The following TFG variants were observed in gnomAD, a reference collection of about 807,000 sequenced individuals.
The protein encoded by TFG is protein TFG.
A neutral mutation model predicts 51.4 loss-of-function variants in TFG; 22 were observed. That is an observed-to-expected ratio of 0.43 (90% CI 0.31 to 0.61). TFG has a LOEUF of 0.61. TFG is among the 20% of genes least tolerant of loss of function. The pLI, the probability that TFG is intolerant of heterozygous loss-of-function variation, is 0.12. For synonymous variants in TFG, 187 were observed against 165.6 expected, an observed-to-expected ratio of 1.13 and a Z score of -0.99; for missense variants, 419 against 487.7, an observed-to-expected ratio of 0.86 and a Z score of 1.33.
At chr3:100,748,000 A>G (rs919786797) in intron 7 of TFG, 149 bp from the exon 8 acceptor site, 1 of 734,854 alleles carries the variant, frequency 1.4e-6, no homozygotes, top group Non-Finnish European at 2.2e-6. Context: ...GTCTTGAAAT[A>G]TTATGTGATG....
chr3:100,726,066 A>C (rs1362477448), intron 3 of TFG, among the ~76,000 whole-genome samples: 1 of 152,142 alleles, frequency 6.6e-6, no homozygotes, highest in African/African-American at 2.4e-5. Flanking sequence ...ATAGTGGCTC[A>C]GTGGCTCAGT....
chr3:100,747,612 G>A (rs55662971), intron 7 of TFG, among the ~76,000 whole-genome samples: 141 of 152,134 alleles, frequency 9.3e-4, no homozygotes, highest in African/African-American at 3.2e-3. Flanking sequence ...AAAATTTTGA[G>A]TTGTAAAGGC....
intron 6 of TFG, chr3:100,743,081 A>C (rs1256296358): frequency 6.6e-6 from 1 of 152,214 alleles, no homozygotes; most frequent in Non-Finnish European, 1.5e-5. Context: ...AATATATGCA[A>C]AATGACTTTA....
At chr3:100,722,376 A>G (rs78613988) in intron 3 of TFG, among the ~76,000 whole-genome samples, 2,111 of 152,332 alleles carry the variant, frequency 0.014, 44 homozygotes, top group African/African-American at 0.049. Context: ...ACAAAAACAC[A>G]GGCAAAAGAG....
chr3:100,734,052 A>C (rs2095099033), intron 5 of TFG, among the ~76,000 whole-genome samples: 1 of 151,158 alleles, frequency 6.6e-6, no homozygotes, highest in South Asian at 2.1e-4. Context: ...CAGTCACAGA[A>C]GTTTTTTTTT....
intron 6 of TFG, chr3:100,743,597 C>CT (rs899927508): frequency 1.1e-4 from 17 of 150,628 alleles, no homozygotes; most frequent in Non-Finnish European, 2.2e-4. Context: ...TATTTGTATT[C>CT]TTTTTTTATT....
chr3:100,714,707 CTAAG>C (rs753850050), intron 2 of TFG, among the ~76,000 whole-genome samples: 3 of 152,122 alleles, frequency 2.0e-5, no homozygotes, highest in Non-Finnish European at 4.4e-5. Context: ...TTATGGTCAA[CTAAG>C]TAAGGGAAAG....
At chr3:100,720,754 A>G (rs1484013162) in intron 3 of TFG, among the ~76,000 whole-genome samples, 1 of 152,212 alleles carries the variant, frequency 6.6e-6, no homozygotes, top group African/African-American at 2.4e-5. Context: ...TTCTGATAAA[A>G]ACCAATAGAA....
chr3:100,739,280 G>A (rs566840197), intron 6 of TFG, among the ~76,000 whole-genome samples: 9 of 152,120 alleles, frequency 5.9e-5, no homozygotes, highest in Non-Finnish European at 1.2e-4. Flanking sequence ...AGAATTCTGA[G>A]TTGTTACTTA....
chr3:100,711,445 C>G (rs1205057898), intron 1 of TFG, among the ~76,000 whole-genome samples: 1 of 152,194 alleles, frequency 6.6e-6, no homozygotes, highest in Non-Finnish European at 1.5e-5. Flanking sequence ...ACCCGTACCC[C>G]AGTCAGAAGG....
chr3:100,710,767 G>A (rs2095028650), intron 1 of TFG, among the ~76,000 whole-genome samples: 1 of 152,186 alleles, frequency 6.6e-6, no homozygotes, highest in African/African-American at 2.4e-5. Flanking sequence ...AGAGGGGGCG[G>A]GGCAAGGACA....
chr3:100,748,231 T>A lies in TFG; in HGVS notation c.903T>A (p.Ala301=), dbSNP rs1424399599. The change falls in exon 8 of 8, where the codon GCT becomes GCA. Residue 301 remains alanine, a synonymous_variant. Transcript: ENST00000240851. ...AGCAACCAACTTCCCAGGCACCAGCTCCTGCCTTTTCTGGTCAGCCTCAAC... is the reference window on the plus strand; with the variant it reads ...AGCAACCAACTTCCCAGGCACCAGCACCTGCCTTTTCTGGTCAGCCTCAAC... The part of the protein sequence containing the change: ...YGQQPTSQAP[A]PAFSGQPQQL... 6.2e-7 allele frequency: 1 copy of A among 1,613,970 alleles called. No homozygotes were observed. Among genetic ancestry groups the A allele is most frequent in the African/African-American group, 1.3e-5 (1 of 74,892 alleles).
intron 6 of TFG, 31 bp from the exon 7 acceptor site, chr3:100,744,802 T>C: frequency 1.3e-6 from 2 of 1,495,210 alleles, no homozygotes; most frequent in South Asian, 1.1e-5. Context: ...ACATGCCTTT[T>C]TTCCTTGTGT....
intron 2 of TFG, 136 bp downstream of exon 2, chr3:100,714,005 A>G (rs1018147785): frequency 2.3e-5 from 11 of 475,362 alleles, no homozygotes; most frequent in African/African-American, 1.6e-4. Flanking sequence ...GGCTCAAGCA[A>G]TCCTGCCTCG....
At chr3:100,734,094 T>A (rs2095099560) in intron 5 of TFG, among the ~76,000 whole-genome samples, 1 of 151,692 alleles carries the variant, frequency 6.6e-6, no homozygotes, top group African/African-American at 2.4e-5. Flanking sequence ...TGTGATGGCC[T>A]TTGTGTAGGC....
At chr3:100,710,294 CA>C (rs2095026837) in intron 1 of TFG, 1 of 152,238 alleles carries the variant, frequency 6.6e-6, no homozygotes, top group South Asian at 2.1e-4. Flanking sequence ...CTGGACACTA[CA>C]GTAAGTATTT....
intron 6 of TFG, chr3:100,744,157 CCAAATAGGA>C (rs1305002608): frequency 1.3e-5 from 2 of 151,996 alleles, no homozygotes; most frequent in African/African-American, 4.8e-5. Context: ...GTTGTTGACC[CCAAATAGGA>C]CAAATAGGAC....
intron 4 of TFG, among the ~76,000 whole-genome samples, chr3:100,729,339 T>G (rs1144104): frequency 0.92 from 139,411 of 152,198 alleles, 64,789 homozygotes; most frequent in Non-Finnish European, 1. Context: ...ATGTTGTAAA[T>G]TTGAAACACA....
At position 100,748,893 on chromosome 3, in the gene TFG, C is replaced by A. The variant is rs530209377; in HGVS notation, c.*362C>A. ...ATTAACATGATGTACTAAAGTAGAG[C>A]CCTTTGAGAATACAAGATATTATGT... On this transcript the variant is annotated 3_prime_UTR_variant, in exon 8 of 8. Coordinates refer to ENST00000240851, the MANE Select transcript of TFG (RefSeq NM_006070.6). The A allele has an allele frequency of 1.8e-4, 43 of 237,734 alleles. No homozygotes were observed. Among genetic ancestry groups the A allele is most frequent in the Admixed American group, 1.1e-3 (21 of 19,512 alleles). The allele number at this position is 237,734 out of a possible 1,614,324, so 14.7% of individuals were successfully genotyped here.
Sources: gnomAD v4.1 joint callset for allele counts (sites outside exome capture counted in the v4.1 genomes callset) on GRCh38, gnomAD v4.1.1 for gene constraint, MANE v1.5 for transcripts, NCBI Gene and HGNC (gene_info 2026-07-23, HGNC 2026-07-21) for gene names.